Variants in SYNE2 observed in about 807,000 individuals in gnomAD.
The protein encoded by SYNE2 is spectrin repeat containing nuclear envelope protein 2, also known as nesprin-2.
SYNE2 carries 431 observed loss-of-function variants against 856.3 expected under a neutral mutation model. The ratio of observed to expected loss-of-function variants is 0.50; its 90% confidence interval spans 0.47 to 0.55. SYNE2 has a LOEUF of 0.55. Ranked by LOEUF, SYNE2 falls within the 20% of genes least tolerant of loss-of-function variation. The pLI, the probability that SYNE2 is intolerant of heterozygous loss-of-function variation, is 0.00. For synonymous variants in SYNE2, 2,923 were observed against 2,872.3 expected (o/e 1.02, Z -0.56); for missense variants, 8,129 against 8,023.2 (o/e 1.01, Z -0.50).
intron 100 of SYNE2, 137 bp from the exon 101 acceptor site, chr14:64,208,621 C>T: frequency 1.2e-6 from 1 of 868,336 alleles, no homozygotes; most frequent in Admixed American, 2.0e-5. Flanking sequence ...TGTGTACTGC[C>T]AAGTTCATGG....
At chr14:64,118,862 G>GAAA (rs1174672336) in intron 66 of SYNE2, among the ~76,000 whole-genome samples, 2 of 67,688 alleles carry the variant, frequency 3.0e-5, no homozygotes, top group Non-Finnish European at 6.1e-5. Flanking sequence ...CTCCGTCTCA[G>GAAA]AAAAAAAAAA....
At chr14:63,815,171 C>CATATATATCCAT (rs753407006) in intron 1 of SYNE2, among the ~76,000 whole-genome samples, 2 of 72,318 alleles carry the variant, frequency 2.8e-5, no homozygotes, top group Non-Finnish European at 6.4e-5. Flanking sequence ...TATATATCCA[C>CATATATATCCAT]ATATATATCC....
At chr14:64,069,751 T>G (rs935375904) in intron 51 of SYNE2, among the ~76,000 whole-genome samples, 4 of 152,196 alleles carry the variant, frequency 2.6e-5, no homozygotes, top group African/African-American at 9.7e-5. Context: ...ATACTGGGGC[T>G]CCTGAATTTT....
intron 94 of SYNE2, among the ~76,000 whole-genome samples, chr14:64,174,645 A>G (rs554211808): frequency 1.3e-5 from 2 of 152,168 alleles, no homozygotes; most frequent in South Asian, 2.1e-4. Flanking sequence ...CTTGCAGGCT[A>G]TTATTCTATG....
At chr14:63,857,430 C>T (rs1892117006) in intron 1 of SYNE2, among the ~76,000 whole-genome samples, 1 of 152,146 alleles carries the variant, frequency 6.6e-6, no homozygotes, top group Admixed American at 6.6e-5. Context: ...ATAAAGCTGC[C>T]ATGAACATTA....
Position 64,107,498 on chromosome 14 carries a change from A to G in SYNE2, c.12500A>G (p.Tyr4167Cys). 6.2e-7 allele frequency: 1 copy of G among 1,613,996 alleles called. No individual in the cohort carries two copies. Among genetic ancestry groups the G allele is most frequent in the Non-Finnish European group, 8.5e-7 (1 of 1,179,836 alleles). The change falls in exon 65 of 116, where the codon TAT becomes TGT. Residue 4167 changes from tyrosine (Y) to cysteine (C), a missense_variant. Transcript: ENST00000555002. ...TGATTCTTTTCTTTACAGGAAGCATATGGGAAAATAAGCACCTCTGATAAT... is the reference window on the plus strand; with the variant it reads ...TGATTCTTTTCTTTACAGGAAGCATGTGGGAAAATAAGCACCTCTGATAAT... Reference protein sequence around the residue: ...SSSGTIVQEAYGKISTSDNSM... With the variant: ...SSSGTIVQEACGKISTSDNSM...
intron 32 of SYNE2, among the ~76,000 whole-genome samples, chr14:64,010,531 A>G (rs2096835890): frequency 6.6e-6 from 1 of 152,212 alleles, no homozygotes; most frequent in Non-Finnish European, 1.5e-5. Flanking sequence ...TTCTGTGAAG[A>G]TGTGCAAGCT....
chr14:63,792,115 G>A (rs1481411359), intron 1 of SYNE2, among the ~76,000 whole-genome samples: 2 of 151,988 alleles, frequency 1.3e-5, no homozygotes, highest in African/African-American at 4.8e-5. Flanking sequence ...CCAACCATAC[G>A]AGTAATTACA....
chr14:63,988,705 G>A (rs1335916407), intron 19 of SYNE2, among the ~76,000 whole-genome samples: 1 of 152,228 alleles, frequency 6.6e-6, no homozygotes, highest in East Asian at 1.9e-4. Flanking sequence ...TTCCACGTGT[G>A]TGGGAAGGCC....
In SYNE2 at chr14:63,982,720, G is replaced by T. The variant is rs2096596132; in HGVS notation, c.1927G>T (p.Val643Phe). Reference protein sequence around the residue: ...NFLVEVSNDVVGSSISKELRR... With the variant: ...NFLVEVSNDVFGSSISKELRR... ...CTTAGTCGAAGTCAGCAATGATGTG[G>T]TTGGATCATCTATTTCTAAAGAACT... Residue 643 changes from valine (V) to phenylalanine (F), a missense_variant, in exon 17 of 116, where the codon GTT (valine) becomes TTT (phenylalanine). Around this residue, in one of 3 missense-constraint regions of SYNE2, gnomAD observed 2,422 missense variants for 2,357.4 expected, o/e 1.03. Coordinates refer to ENST00000555002, the MANE Select transcript of SYNE2 (RefSeq NM_182914.3). 6.2e-7 allele frequency: 1 copy of T among 1,614,042 alleles called. No homozygotes were observed. Among genetic ancestry groups the T allele is most frequent in the Non-Finnish European group, 8.5e-7 (1 of 1,179,966 alleles).
intron 1 of SYNE2, among the ~76,000 whole-genome samples, chr14:63,784,358 A>G (rs1887434078): frequency 6.6e-6 from 1 of 151,656 alleles, no homozygotes; most frequent in African/African-American, 2.4e-5. Context: ...TTAGTTGGGC[A>G]TGGTGGTGCA....
At chr14:64,065,397 A>T (rs779343552) in intron 50 of SYNE2, 35 bp from the exon 51 acceptor site, 1 of 1,571,506 alleles carries the variant, frequency 6.4e-7, no homozygotes, top group Non-Finnish European at 8.7e-7. Flanking sequence ...CCATAATAGT[A>T]TGTCCCTCTT....
chr14:63,960,396 T>C (rs1017252363), intron 8 of SYNE2, among the ~76,000 whole-genome samples: 44 of 152,314 alleles, frequency 2.9e-4, no homozygotes, highest in African/African-American at 1.1e-3. Flanking sequence ...TTTGTTTTTC[T>C]CCTAACCTTA....
chr14:63,977,816 A>G lies in SYNE2; in HGVS notation c.1294-89A>G, dbSNP rs1450127502. ...GAGGGTTTTATGATTTTTTTTTGAA[A>G]AAAGATGTAATGCAAGTGAGATTGA... is the stretch of plus-strand genomic sequence containing the variant. On this transcript the variant is annotated intron_variant, in intron 12 of 115. Transcript: ENST00000555002. The G allele has an allele frequency of 5.4e-6, 5 of 929,990 alleles. No individual in the cohort carries two copies. In the Admixed American group the frequency reaches 9.3e-5, roughly 17 times the overall value. 57.6% of individuals were successfully genotyped at this position (929,990 alleles called of 1,614,324 possible).
intron 96 of SYNE2, among the ~76,000 whole-genome samples, chr14:64,184,669 T>A (rs918368375): frequency 2.0e-5 from 3 of 152,176 alleles, no homozygotes; most frequent in African/African-American, 7.2e-5. Flanking sequence ...GCCCCCTTTA[T>A]GTTATGTAGC....
chr14:63,970,983 A>G (rs535805358), intron 11 of SYNE2, among the ~76,000 whole-genome samples: 1 of 151,554 alleles, frequency 6.6e-6, no homozygotes, highest in African/African-American at 2.4e-5. Context: ...CTGGTTTTGG[A>G]TCATACGTTT....
chr14:63,849,025 C>A (rs1047933815), upstream of SYNE2, among the ~76,000 whole-genome samples: 1 of 152,210 alleles, frequency 6.6e-6, no homozygotes, highest in Non-Finnish European at 1.5e-5. Flanking sequence ...AATTAGCCAA[C>A]ATTTATTTCT....
intron 43 of SYNE2, among the ~76,000 whole-genome samples, chr14:64,028,486 C>T (rs2097000542): frequency 6.6e-6 from 1 of 152,048 alleles, no homozygotes; most frequent in African/African-American, 2.4e-5. Context: ...ACCTCCTGGC[C>T]TTATATAATC....
At chr14:63,808,785 G>C (rs1275117930) in intron 1 of SYNE2, 5 of 152,242 alleles carry the variant, frequency 3.3e-5, no homozygotes, top group Non-Finnish European at 5.9e-5. Flanking sequence ...CATTTGGGGA[G>C]GCCGAGGTGG....
Sources: gnomAD v4.1 joint callset for allele counts (sites outside exome capture counted in the v4.1 genomes callset) on GRCh38, gnomAD v4.1.1 for gene constraint, gnomAD v4.1.1 regional missense constraint, MANE v1.5 for transcripts, NCBI Gene and HGNC (gene_info 2026-07-23, HGNC 2026-07-21) for gene names.